The following FGF12 variants were observed in gnomAD, a reference collection of about 807,000 sequenced individuals.
FGF12 encodes fibroblast growth factor 12.
A neutral mutation model predicts 23.6 loss-of-function variants in FGF12; 14 were observed. The observed-to-expected ratio is 0.59, with a 90% CI of 0.39 to 0.93. FGF12 has a LOEUF of 0.93. Ranked by LOEUF, FGF12 falls within the 40% of genes least tolerant of loss-of-function variation. FGF12 has a pLI of 0.00. For missense variants in FGF12, 175 were observed against 217.8 expected (o/e 0.80, Z 1.24); for synonymous variants, 62 against 77.3 (o/e 0.80, Z 1.04).
At position 192,417,694 on chromosome 3, in the gene FGF12, G is replaced by A. The variant is rs144582199; in HGVS notation, c.14-57156C>T. 7.9e-5 allele frequency among the ~76,000 whole-genome samples: 12 copies of A among 152,074 alleles called. No individual in the cohort carries two copies. In the East Asian group the frequency reaches 1.5e-3, roughly 20 times the overall value. On this transcript the variant is annotated intron_variant, in intron 2 of 5. Transcript: ENST00000445105. ...TGATAAATATGGTAAAAAACAAATG[G>A]TTTTAATCTAGGAGAGTTTCCCTTA...
chr3:192,716,836 G>A (rs1486073796), intron 2 of FGF12, among the ~76,000 whole-genome samples: 4 of 152,182 alleles, frequency 2.6e-5, no homozygotes, highest in Non-Finnish European at 4.4e-5. Context: ...AGACTAAAAA[G>A]TTGTTAGTTG....
chr3:192,722,759 G>T (rs912584570), intron 2 of FGF12, among the ~76,000 whole-genome samples: 3 of 152,144 alleles, frequency 2.0e-5, no homozygotes, highest in Non-Finnish European at 2.9e-5. Flanking sequence ...TAGACACTTA[G>T]GTGGTTGCTG....
Position 192,345,046 on chromosome 3 carries a change from C to T in FGF12, c.125-9582G>A, listed in dbSNP as rs548618951. 2.6e-5 allele frequency among the ~76,000 whole-genome samples: 4 copies of T among 152,232 alleles called. No homozygotes were observed. The East Asian group carries it at 7.7e-4, about 29-fold the overall frequency. ...CAAGAAATCTTTGCATGTTTTGAAG[C>T]TTTTAGATTTGCATCCTCTATAAAC... On this transcript the variant is annotated intron_variant, in intron 3 of 5. Transcript: ENST00000445105.
intron 2 of FGF12, among the ~76,000 whole-genome samples, chr3:192,462,992 G>A (rs907726780): frequency 6.6e-6 from 1 of 152,154 alleles, no homozygotes; most frequent in African/African-American, 2.4e-5. Flanking sequence ...ATGCTATTGT[G>A]TCAAGTGAAA....
At chr3:192,610,995 C>T (rs753100124) in intron 2 of FGF12, among the ~76,000 whole-genome samples, 3 of 151,980 alleles carry the variant, frequency 2.0e-5, no homozygotes, top group Non-Finnish European at 2.9e-5. Context: ...CTCTTTAGCC[C>T]TTATCATGAT....
intron 2 of FGF12, among the ~76,000 whole-genome samples, chr3:192,460,144 G>A (rs74853096): frequency 0.011 from 1,715 of 152,256 alleles, 25 homozygotes; most frequent in African/African-American, 0.04. Flanking sequence ...GGAACACTCT[G>A]TTGACTGTTA....
chr3:192,436,350 G>A (rs532194980), intron 2 of FGF12, among the ~76,000 whole-genome samples: 5 of 152,294 alleles, frequency 3.3e-5, no homozygotes, highest in African/African-American at 1.2e-4. Context: ...TAAATTAGGG[G>A]TTCTCAAATA....
At chr3:192,519,473 T>C (rs546369486) in intron 2 of FGF12, among the ~76,000 whole-genome samples, 1 of 152,302 alleles carries the variant, frequency 6.6e-6, no homozygotes, top group East Asian at 1.9e-4. Flanking sequence ...ATGATGTCAG[T>C]TAGTGGTATT....
chr3:192,544,699 T>G (rs1577046069), intron 2 of FGF12, among the ~76,000 whole-genome samples: 1 of 152,164 alleles, frequency 6.6e-6, no homozygotes, highest in Non-Finnish European at 1.5e-5. Context: ...CACATTCATT[T>G]TATTATTTTA....
intron 2 of FGF12, among the ~76,000 whole-genome samples, chr3:192,529,104 C>T (rs1213128000): frequency 2.0e-5 from 3 of 152,142 alleles, no homozygotes; most frequent in Admixed American, 6.5e-5. Flanking sequence ...TCTTTTCTAT[C>T]GCATTGTCAG....
At chr3:192,395,865 G>A (rs563500839) in intron 2 of FGF12, among the ~76,000 whole-genome samples, 22 of 152,332 alleles carry the variant, frequency 1.4e-4, no homozygotes, top group African/African-American at 5.3e-4. Flanking sequence ...TGAAGGATAG[G>A]TGTGGAGGTT....
intron 2 of FGF12, among the ~76,000 whole-genome samples, chr3:192,522,278 ACATTT>A (rs1395679067): frequency 6.6e-6 from 1 of 152,140 alleles, no homozygotes; most frequent in East Asian, 1.9e-4. Context: ...ATTCTGTATT[ACATTT>A]AAAAACAATA....
At chr3:192,610,442 G>T (rs1714509837) in intron 2 of FGF12, among the ~76,000 whole-genome samples, 1 of 152,048 alleles carries the variant, frequency 6.6e-6, no homozygotes, top group Non-Finnish European at 1.5e-5. Flanking sequence ...TTGGTCCACA[G>T]ATCAAAGGGA....
intron 2 of FGF12, among the ~76,000 whole-genome samples, chr3:192,540,150 C>T (rs893419615): frequency 1.3e-5 from 2 of 151,920 alleles, no homozygotes; most frequent in African/African-American, 4.8e-5. Flanking sequence ...CTTATTTCTA[C>T]TCTAAACTTT....
chr3:192,176,443 T>C (rs1411967906), intron 4 of FGF12, among the ~76,000 whole-genome samples: 1 of 152,220 alleles, frequency 6.6e-6, no homozygotes, highest in Non-Finnish European at 1.5e-5. Flanking sequence ...ATGCTTTTTA[T>C]GAAGCCAAGC....
chr3:192,698,932 A>G (rs1718210637), intron 2 of FGF12, among the ~76,000 whole-genome samples: 1 of 151,148 alleles, frequency 6.6e-6, no homozygotes, highest in Admixed American at 6.6e-5. Flanking sequence ...TTCCATTTTC[A>G]GTATTAGTCC....
chr3:192,490,027 C>T (rs1468944933), intron 2 of FGF12, among the ~76,000 whole-genome samples: 1 of 152,030 alleles, frequency 6.6e-6, no homozygotes, highest in Non-Finnish European at 1.5e-5. Context: ...CAGCAAAATG[C>T]CTACTTTCAG....
chr3:192,651,676 T>C (rs1481915942), intron 2 of FGF12, among the ~76,000 whole-genome samples: 1 of 152,190 alleles, frequency 6.6e-6, no homozygotes, highest in East Asian at 1.9e-4. Flanking sequence ...AAGATGTACA[T>C]ACTTTTGTTA....
intron 2 of FGF12, among the ~76,000 whole-genome samples, chr3:192,511,143 C>T (rs1724458546): frequency 6.6e-6 from 1 of 152,010 alleles, no homozygotes; most frequent in South Asian, 2.1e-4. Flanking sequence ...GCAGAAGAGT[C>T]ATAACTATAC....
Sources: allele counts gnomAD v4.1 joint callset (sites outside exome capture counted in the v4.1 genomes callset), GRCh38; gene constraint gnomAD v4.1.1; transcripts MANE v1.5; gene names NCBI Gene and HGNC (gene_info 2026-07-23, HGNC 2026-07-21).